Variants in TMEM196 observed in about 807,000 individuals in gnomAD.
The protein encoded by TMEM196 is transmembrane protein 196.
A neutral mutation model predicts 20.0 loss-of-function variants in TMEM196; 17 were observed. The observed-to-expected ratio is 0.85, with a 90% CI of 0.58 to 1.27. The LOEUF is 1.27. Ranked by LOEUF, TMEM196 falls within the 50% of genes most tolerant of loss-of-function variation. TMEM196 has a pLI of 0.00. For synonymous variants in TMEM196, 113 were observed against 88.9 expected (o/e 1.27, Z -1.52); for missense variants, 267 against 223.0 (o/e 1.20, Z -1.26).
At chr7:19,747,259 A>AAT (rs1784789854) in intron 1 of TMEM196, among the ~76,000 whole-genome samples, 1 of 123,510 alleles carries the variant, frequency 8.1e-6, no homozygotes, top group Non-Finnish European at 1.6e-5. Flanking sequence ...CGTCTCAAAA[A>AAT]AATAAATAAA....
intron 1 of TMEM196, among the ~76,000 whole-genome samples, chr7:19,750,374 A>G (rs1215542866): frequency 1.3e-5 from 2 of 152,238 alleles, no homozygotes; most frequent in Non-Finnish European, 2.9e-5. Flanking sequence ...TAAAAATGAA[A>G]CTACAATGCA....
chr7:19,733,939 A>G (rs1306664383), intron 1 of TMEM196, among the ~76,000 whole-genome samples: 2 of 152,166 alleles, frequency 1.3e-5, no homozygotes, highest in African/African-American at 4.8e-5. Flanking sequence ...TTCACTCACC[A>G]TGAGTTAGCA....
At chr7:19,771,717 C>G (rs1785888973) in intron 1 of TMEM196, among the ~76,000 whole-genome samples, 1 of 152,070 alleles carries the variant, frequency 6.6e-6, no homozygotes, top group Non-Finnish European at 1.5e-5. Flanking sequence ...TTTATTGAAT[C>G]TTGGTGGAAG....
At chr7:19,729,713 C>T (rs1562607867) in intron 1 of TMEM196, among the ~76,000 whole-genome samples, 1 of 152,184 alleles carries the variant, frequency 6.6e-6, no homozygotes, top group African/African-American at 2.4e-5. Flanking sequence ...AGCTTTGTTT[C>T]TCCCATTTCT....
intron 1 of TMEM196, among the ~76,000 whole-genome samples, chr7:19,768,915 G>A (rs2128040912): frequency 6.6e-6 from 1 of 152,096 alleles, no homozygotes; most frequent in Non-Finnish European, 1.5e-5. Context: ...CCATCTTTCA[G>A]GTTTTTGTAT....
At chr7:19,724,921 C>T (rs1304331937) in intron 3 of TMEM196, among the ~76,000 whole-genome samples, 1 of 152,106 alleles carries the variant, frequency 6.6e-6, no homozygotes, top group Non-Finnish European at 1.5e-5. Flanking sequence ...ATTTAACTTC[C>T]TATTTATATG....
At chr7:19,725,794 T>TA (rs776424826) in intron 2 of TMEM196, 26 bp from the exon 3 acceptor site, 20 of 1,564,714 alleles carry the variant, frequency 1.3e-5, no homozygotes, top group Non-Finnish European at 1.7e-5. Flanking sequence ...AAGGCAGCGT[T>TA]AAAGTTGAAA....
chr7:19,740,161 T>A (rs150618972), intron 1 of TMEM196, among the ~76,000 whole-genome samples: 183 of 152,316 alleles, frequency 1.2e-3, no homozygotes, highest in African/African-American at 4.2e-3. Context: ...ATTCTTTGCA[T>A]CTATTAAAAA....
At chr7:19,726,571 C>T (rs753906220) in intron 2 of TMEM196, among the ~76,000 whole-genome samples, 1 of 151,872 alleles carries the variant, frequency 6.6e-6, no homozygotes, top group African/African-American at 2.4e-5. Flanking sequence ...TTTAGAGAAA[C>T]AGATGATGTG....
intron 1 of TMEM196, among the ~76,000 whole-genome samples, chr7:19,769,190 A>C (rs1785760874): frequency 6.6e-6 from 1 of 152,120 alleles, no homozygotes; most frequent in Non-Finnish European, 1.5e-5. Context: ...ATTATTGTAA[A>C]ATCTTATTTG....
intron 1 of TMEM196, among the ~76,000 whole-genome samples, chr7:19,729,994 C>A (rs1784138568): frequency 6.6e-6 from 1 of 152,116 alleles, no homozygotes; most frequent in Non-Finnish European, 1.5e-5. Context: ...CGGTGGCTCA[C>A]ACCTGTAATC....
In TMEM196 at chr7:19,725,657, C is replaced by T. The variant is rs1435580882; in HGVS notation, c.316G>A (p.Ala106Thr). ...KTSSLYPLHL[A>T]SMSLACIGIG... Reference sequence around the variant, plus strand: ...CCAATGCACGCGAGAGACATGGAGGCAAGGTGCAGTGGGTATAGGGAGGAA... The same window carrying T: ...CCAATGCACGCGAGAGACATGGAGGTAAGGTGCAGTGGGTATAGGGAGGAA... Residue 106 changes from alanine (A) to threonine (T), a missense_variant, in exon 3 of 5, where the codon GCC becomes ACC. Transcript: ENST00000405844. 3 of 1,613,964 alleles carry T rather than the reference C, an allele frequency of 1.9e-6. No homozygotes were observed. The highest frequency in any genetic ancestry group is 2.5e-6 in the Non-Finnish European group (3 of 1,179,984).
rs898550169 is a variant in TMEM196, at chr7:19,773,011, A to C, written c.-315T>G. ...AGCAGCGGAAAACCTGGAGGAGCCC[A>C]GGGAGCTCCGAGCCTTGCTCCCCAG... On this transcript the variant is annotated 5_prime_UTR_variant, in exon 1 of 5. Coordinates refer to ENST00000405844, the MANE Select transcript of TMEM196 (RefSeq NM_001363562.2). 8.8e-6 allele frequency: 2 copies of C among 226,368 alleles called. No individual in the cohort carries two copies. Among genetic ancestry groups the C allele is most frequent in the African/African-American group, 4.5e-5 (2 of 44,376 alleles). The allele number at this position is 226,368 out of a possible 1,614,324, so 14.0% of individuals were successfully genotyped here. A position where few individuals can be genotyped will look rare whatever the true frequency, so the allele number is the denominator to read the frequency against.
At chr7:19,766,056 A>G (rs1583462842) in intron 1 of TMEM196, among the ~76,000 whole-genome samples, 1 of 152,148 alleles carries the variant, frequency 6.6e-6, no homozygotes, top group Non-Finnish European at 1.5e-5. Flanking sequence ...TAGCAGCTTT[A>G]GAAACATCGT....
At chr7:19,735,539 C>A (rs1398496095) in intron 1 of TMEM196, among the ~76,000 whole-genome samples, 2 of 152,048 alleles carry the variant, frequency 1.3e-5, no homozygotes, top group African/African-American at 2.4e-5. Context: ...CTTTTCTGTA[C>A]AAGAAAGTTT....
At chr7:19,737,407 G>A (rs552970263) in intron 1 of TMEM196, among the ~76,000 whole-genome samples, 2 of 152,120 alleles carry the variant, frequency 1.3e-5, no homozygotes, top group African/African-American at 4.8e-5. Context: ...CAAGATGGCA[G>A]TTTCTTACAA....
At chr7:19,754,585 G>A (rs1785124141) in intron 1 of TMEM196, among the ~76,000 whole-genome samples, 2 of 152,064 alleles carry the variant, frequency 1.3e-5, no homozygotes, top group Admixed American at 6.5e-5. Context: ...CAGAGTGCAG[G>A]TTTTGATGAA....
At chr7:19,767,449 A>G (rs1785681466) in intron 1 of TMEM196, among the ~76,000 whole-genome samples, 1 of 152,026 alleles carries the variant, frequency 6.6e-6, no homozygotes, top group Admixed American at 6.6e-5. Context: ...GCTCTACAGA[A>G]TCCATTAGTG....
chr7:19,745,509 C>T lies in TMEM196; in HGVS notation c.148-16071G>A, dbSNP rs1325804176. ...TCTTTTTTTCCCTCACAATCACTATCACACTTAGGCTTCCCACTGTATCTC... is the reference window on the plus strand; with the variant it reads ...TCTTTTTTTCCCTCACAATCACTATTACACTTAGGCTTCCCACTGTATCTC... On this transcript the variant is annotated intron_variant, in intron 1 of 4. Transcript: ENST00000405844. Among the ~76,000 whole-genome samples, 4 of 152,084 alleles carry T rather than the reference C, an allele frequency of 2.6e-5. No homozygotes were observed. In the East Asian group the frequency reaches 5.8e-4, roughly 22 times the overall value.
Sources: gnomAD v4.1 joint callset for allele counts (sites outside exome capture counted in the v4.1 genomes callset) on GRCh38, gnomAD v4.1.1 for gene constraint, MANE v1.5 for transcripts, NCBI Gene and HGNC (gene_info 2026-07-23, HGNC 2026-07-21) for gene names.